SMC1A: variants seen among roughly 807,000 people sequenced by gnomAD.
The protein encoded by SMC1A is structural maintenance of chromosomes protein 1A.
A neutral mutation model predicts 94.5 loss-of-function variants in SMC1A; 4 were observed. That is an observed-to-expected ratio of 0.04 (90% CI 0.02 to 0.10). The LOEUF is 0.10. SMC1A is among the 10% of genes least tolerant of loss of function. SMC1A has a pLI of 1.00. For synonymous variants in SMC1A, 345 were observed against 347.7 expected (o/e 0.99, Z 0.09); for missense variants, 304 against 989.0 (o/e 0.31, Z 9.29).
chrX:53,422,158 A>G, intron 1 of SMC1A: 2 of 840,523 alleles, frequency 2.4e-6, no homozygotes, highest in Non-Finnish European at 3.3e-6. Flanking sequence ...TCCGGCGGGG[A>G]GCCGCGCGGC....
chrX:53,411,858 G>A lies in SMC1A; in HGVS notation c.1157C>T (p.Ala386Val). ...CTCCAGCTCCTGGGCCAGGGTAGCT[G>A]CTCTCTTGCTGGCTTCTTCTTTCAA... ...HRLKEEASKRAATLAQELEKF... is the reference protein window; with the variant it reads ...HRLKEEASKRVATLAQELEKF... Residue 386 changes from alanine (A) to valine (V), a missense_variant, in exon 7 of 25, where the codon GCA (alanine) becomes GTA (valine). Transcript: ENST00000322213. 1 of 1,211,302 alleles carries A rather than the reference G, an allele frequency of 8.3e-7. No individual in the cohort carries two copies. Among genetic ancestry groups the A allele is most frequent in the Non-Finnish European group, 1.1e-6 (1 of 895,266 alleles).
In SMC1A at chrX:53,383,077, A is replaced by G; in HGVS notation, c.3130+20T>C. The G allele has an allele frequency of 8.3e-7, 1 of 1,204,943 alleles. No individual in the cohort carries two copies. Among genetic ancestry groups the G allele is most frequent in the East Asian group, 3.0e-5 (1 of 33,792 alleles). On this transcript the variant is annotated intron_variant, in intron 20 of 24. Transcript: ENST00000322213. ...GCCTCTTGTCCTCATCGTAGGCCCA[A>G]GTAGAAGGGTAAATCTTACCATCTG...
At position 53,405,632 on chromosome X, in the gene SMC1A, G is replaced by A; in HGVS notation, c.1772C>T (p.Ala591Val). The A allele has an allele frequency of 1.7e-6, 2 of 1,211,497 alleles. No homozygotes were observed. Among genetic ancestry groups the A allele is most frequent in the Non-Finnish European group, 2.2e-6 (2 of 895,419 alleles). Residue 591 changes from alanine (A) to valine (V), a missense_variant, in exon 11 of 25, where the codon GCC becomes GTC. This residue lies in a region of SMC1A where 57 missense variants were observed against 278.1 expected (regional missense o/e 0.20). Coordinates refer to ENST00000322213, the MANE Select transcript of SMC1A (RefSeq NM_006306.4). ...TDEKLRELKG[A>V]KLVIDVIRYE... ...GCGAATCACATCAATCACTAGCTTG[G>A]CCCCCTTCAGCTCCCGGAGTTTCTC...
At chrX:53,398,081 G>A (rs1556888310) in intron 16 of SMC1A, among the ~76,000 whole-genome samples, 1 of 108,235 alleles carries the variant, frequency 9.2e-6, no homozygotes, top group African/African-American at 3.4e-5. Flanking sequence ...AGCTACTCAG[G>A]AGGCAGAGGC....
intron 19 of SMC1A, among the ~76,000 whole-genome samples, chrX:53,389,468 C>T (rs1015596804): frequency 4.5e-5 from 5 of 111,590 alleles, no homozygotes; most frequent in Admixed American, 2.9e-4. Flanking sequence ...TGGTGGCTCA[C>T]GCCTGTAATC....
chrX:53,419,679 C>A (rs868953543), intron 1 of SMC1A, among the ~76,000 whole-genome samples: 28 of 109,295 alleles, frequency 2.6e-4, no homozygotes, highest in African/African-American at 9.3e-4. Flanking sequence ...CAAAAACTGG[C>A]CGGGCATAGT....
intron 15 of SMC1A, among the ~76,000 whole-genome samples, chrX:53,400,036 G>A (rs2075665511): frequency 8.9e-6 from 1 of 111,749 alleles, no homozygotes; most frequent in Non-Finnish European, 1.9e-5. Flanking sequence ...CCTACAAGGA[G>A]GCATAAAAGA....
At position 53,376,373 on chromosome X, in the gene SMC1A, A is replaced by G. The variant is rs1311784107; in HGVS notation, c.*3730T>C. 1.8e-5 allele frequency: 2 copies of G among 111,666 alleles called. No homozygotes were observed. The highest frequency in any genetic ancestry group is 1.9e-5 in the Non-Finnish European group (1 of 53,122). The allele number at this position is 111,666 out of a possible 1,213,427, so 9.2% of individuals were successfully genotyped here. ...AACCTTTATAAGCATTCAAGATTCC[A>G]AATCTTCACCCCAGACTTAATGAAT... On this transcript the variant is annotated 3_prime_UTR_variant, in exon 25 of 25. Coordinates refer to ENST00000322213, the MANE Select transcript of SMC1A (RefSeq NM_006306.4).
At chrX:53,385,256 GTT>G (rs59355116) in intron 19 of SMC1A, among the ~76,000 whole-genome samples, 92 of 88,389 alleles carry the variant, frequency 1.0e-3, no homozygotes, top group South Asian at 1.7e-3. Flanking sequence ...TCCAGAATAG[GTT>G]TTTTTTTTTT....
rs1556889586 is a variant in SMC1A, at chrX:53,405,574, C to T, written c.1830G>A (p.Gln610=). ...AGACAAGGGCATTGCCACAAGCATA[C>T]TGCAGGGCCTTTTTGATATGAGGTG... ...YEPPHIKKAL[Q]YACGNALVCD... Residue 610 remains glutamine, a synonymous_variant, in exon 11 of 25, where the codon CAG becomes CAA. Transcript: ENST00000322213. 1.3e-5 allele frequency: 16 copies of T among 1,212,160 alleles called. No individual in the cohort carries two copies. The highest frequency in any genetic ancestry group is 2.2e-5 in the Admixed American group (1 of 46,095).
In SMC1A at chrX:53,388,952, G is replaced by A. The variant is rs1004232371; in HGVS notation, c.2974-5699C>T. Among the ~76,000 whole-genome samples, 14 of 97,499 alleles carry A rather than the reference G, an allele frequency of 1.4e-4. 1 individual carries two copies. The highest frequency in any genetic ancestry group is 2.4e-4 in the Admixed American group (2 of 8,503). 84.7% of individuals were successfully genotyped at this position (97,499 alleles called of 115,157 possible). On this transcript the variant is annotated intron_variant, in intron 19 of 24. Transcript: ENST00000322213. ...GCGGAGGTTGCAGTGAGCCAAGATC[G>A]CGCCACTGCACTCCAGCCTGGGCGA...
intron 19 of SMC1A, among the ~76,000 whole-genome samples, chrX:53,384,598 A>G (rs1556886282): frequency 9.0e-6 from 1 of 110,967 alleles, no homozygotes; most frequent in African/African-American, 3.3e-5. Context: ...GAGCATCACA[A>G]AAAAATAGCC....
chrX:53,384,892 C>T (rs1430644909), intron 19 of SMC1A, among the ~76,000 whole-genome samples: 2 of 110,332 alleles, frequency 1.8e-5, no homozygotes, highest in Non-Finnish European at 3.8e-5. Context: ...CTGCAGTGAA[C>T]CATGATGGTG....
At chrX:53,416,327 A>AAATAAT (rs1181594063) in intron 1 of SMC1A, among the ~76,000 whole-genome samples, 2 of 106,328 alleles carry the variant, frequency 1.9e-5, no homozygotes, top group Admixed American at 2.0e-4. Context: ...AAATAAAATA[A>AAATAAT]AATAATAATA....
intron 14 of SMC1A, 33 bp downstream of exon 14, chrX:53,403,744 C>T (rs1392827420): frequency 8.5e-7 from 1 of 1,173,472 alleles, no homozygotes; most frequent in Non-Finnish European, 1.2e-6. Context: ...CCTGCCCTGA[C>T]ACACACGCTG....
intron 19 of SMC1A, among the ~76,000 whole-genome samples, chrX:53,384,837 T>G (rs970963614): frequency 8.2e-5 from 9 of 110,215 alleles, no homozygotes; most frequent in Non-Finnish European, 1.5e-4. Context: ...CCCAGCTCCT[T>G]GGGAGGCTAA....
At position 53,409,483 on chromosome X, in the gene SMC1A, C is replaced by T. The variant is rs2075703171; in HGVS notation, c.1275G>A (p.Leu425=). Residue 425 remains leucine (L), a synonymous_variant, in exon 8 of 25, where the codon CTG becomes CTA. Transcript: ENST00000322213. ...GCTTCTGATTCTCTTCAATTTCCCG[C>T]AGCTTTTGCTTGATCTTGGCCTGGG... ...VETEAKIKQK[L]REIEENQKRI... is the part of the protein sequence containing the mutation. 1 of 1,208,649 alleles carries T rather than the reference C, an allele frequency of 8.3e-7. No homozygotes were observed. Among genetic ancestry groups the T allele is most frequent in the Non-Finnish European group, 1.1e-6 (1 of 894,461 alleles).
In SMC1A at chrX:53,398,268, G is replaced by A. The variant is rs1027666034; in HGVS notation, c.2562+1321C>T. On this transcript the variant is annotated intron_variant, in intron 16 of 24. Coordinates refer to ENST00000322213, the MANE Select transcript of SMC1A (RefSeq NM_006306.4). ...TAATGATGAAAACACAGAAACAAGCGACAAACATAGGCAGACATAAGTCAA... is the reference window on the plus strand; with the variant it reads ...TAATGATGAAAACACAGAAACAAGCAACAAACATAGGCAGACATAAGTCAA... Among the ~76,000 whole-genome samples, 26 of 109,106 alleles carry A rather than the reference G, an allele frequency of 2.4e-4. No homozygotes were observed. In the South Asian group the frequency reaches 9.4e-3, roughly 39 times the overall value. 94.7% of individuals were successfully genotyped at this position (109,106 alleles called of 115,157 possible).
rs2075584649 is a variant in SMC1A at position 53,381,847 on chromosome X, G to A, written c.3437+385C>T. 6 of 270,748 alleles carry A rather than the reference G, an allele frequency of 2.2e-5. 1 individual carries two copies. The highest frequency in any genetic ancestry group is 1.4e-4 in the South Asian group (3 of 21,660). The allele number at this position is 270,748 out of a possible 1,213,427, so 22.3% of individuals were successfully genotyped here. ...TCAAGTACTACTGGCATTCAGGAGG[G>A]GAAGGTCAGGGTATGCCACAGTGAT... On this transcript the variant is annotated intron_variant, in intron 22 of 24. Coordinates refer to ENST00000322213, the MANE Select transcript of SMC1A (RefSeq NM_006306.4).
Sources: gnomAD v4.1 joint callset for allele counts (sites outside exome capture counted in the v4.1 genomes callset) on GRCh38, gnomAD v4.1.1 for gene constraint, gnomAD v4.1.1 regional missense constraint, MANE v1.5 for transcripts, NCBI Gene and HGNC (gene_info 2026-07-23, HGNC 2026-07-21) for gene names.